CUBN: variants seen among roughly 807,000 people sequenced by gnomAD.
CUBN encodes the protein 460 kDa receptor.
In CUBN, 282 loss-of-function variants were observed where a neutral mutation model predicts 405.3. The observed-to-expected ratio is 0.70, with a 90% CI of 0.63 to 0.77. CUBN has a LOEUF of 0.77. Among genes scored for constraint, CUBN ranks in the 30% least tolerant of loss-of-function variants. CUBN has a pLI of 0.00. For missense variants in CUBN, 4,514 were observed against 4,475.2 expected (o/e 1.01, Z -0.25); for synonymous variants, 1,684 against 1,617.0 (o/e 1.04, Z -0.99).
At chr10:16,972,840 C>T (rs763989152) in intron 31 of CUBN, among the ~76,000 whole-genome samples, 5 of 152,072 alleles carry the variant, frequency 3.3e-5, no homozygotes, top group Non-Finnish European at 5.9e-5. Flanking sequence ...CAGTTCTCCA[C>T]GTGTCCCTGC....
intron 28 of CUBN, among the ~76,000 whole-genome samples, chr10:17,012,082 G>T (rs1344097782): frequency 6.6e-6 from 1 of 152,176 alleles, no homozygotes; most frequent in Non-Finnish European, 1.5e-5. Flanking sequence ...AGGGCCAGTG[G>T]GTCGGTCCAG....
rs1237111374 is a variant in CUBN, at chr10:16,899,045, T to C, written c.8549A>G (p.Asn2850Ser). 5 of 1,613,742 alleles carry C rather than the reference T, an allele frequency of 3.1e-6. No homozygotes were observed. The highest frequency in any genetic ancestry group is 1.7e-5 in the Admixed American group (1 of 60,020). Residue 2850 changes from asparagine (N) to serine (S), a missense_variant, in exon 54 of 67, where the codon AAC becomes AGC. Coordinates refer to ENST00000377833, the MANE Select transcript of CUBN (RefSeq NM_001081.4). ...TCCATCACCGCTGGGGATTAGGAAG[T>C]TGTTGTCAAAGCTGATCTCCAAGTG... ...SKHLEISFDN[N>S]FLIPSGDGQC...
rs1216705051 is a variant in CUBN, at chr10:16,954,565, AG to A, written c.4696-18del. The A allele has an allele frequency of 5.0e-6, 8 of 1,612,596 alleles. No individual in the cohort carries two copies. The highest frequency in any genetic ancestry group is 6.8e-6 in the Non-Finnish European group (8 of 1,179,804). The stretch of plus-strand genomic sequence containing the variant: ...ATCGTATGCCTACAAGAAAGGAGAC[AG>A]GGCAAACAGTGGTTCAGATTCACAT... On this transcript the variant is annotated intron_variant, in intron 31 of 66. Transcript: ENST00000377833.
chr10:16,933,012 G>T, intron 40 of CUBN, 75 bp downstream of exon 40: 1 of 1,464,232 alleles, frequency 6.8e-7, no homozygotes, highest in Non-Finnish European at 9.6e-7. Context: ...GAGGCAGTAT[G>T]CAAGTCTGAT....
At chr10:16,860,055 A>T (rs765422807) in intron 59 of CUBN, among the ~76,000 whole-genome samples, 16 of 152,156 alleles carry the variant, frequency 1.1e-4, no homozygotes, top group Non-Finnish European at 2.4e-4. Flanking sequence ...GAGTCACAGG[A>T]TGTATAAATA....
In CUBN at chr10:16,836,101, G is replaced by A; in HGVS notation, c.10180+134C>T. On this transcript the variant is annotated intron_variant, in intron 63 of 66. Transcript: ENST00000377833. ...CTAAATTGGGCTGGGTTCTAGTTAA[G>A]AGAGGGATGTGGTTTTTGTTAACAA... is the stretch of plus-strand genomic sequence containing the variant. The A allele has an allele frequency of 3.5e-6, 3 of 863,116 alleles. No homozygotes were observed. In the South Asian group the frequency reaches 4.3e-5, roughly 12 times the overall value. 53.5% of individuals were successfully genotyped at this position (863,116 alleles called of 1,614,324 possible).
chr10:17,097,689 T>C (rs1471498962), intron 14 of CUBN, among the ~76,000 whole-genome samples: 3 of 152,158 alleles, frequency 2.0e-5, no homozygotes, highest in Admixed American at 1.3e-4. Flanking sequence ...TGGAAAATAT[T>C]TGATGAATGC....
chr10:17,112,470 T>G (rs1162556618), intron 8 of CUBN, among the ~76,000 whole-genome samples: 1 of 151,986 alleles, frequency 6.6e-6, no homozygotes, highest in African/African-American at 2.4e-5. Context: ...AACAAAAAAA[T>G]TGTTTCTCTT....
intron 56 of CUBN, among the ~76,000 whole-genome samples, chr10:16,887,388 A>C (rs924023789): frequency 6.6e-6 from 1 of 152,222 alleles, no homozygotes; most frequent in African/African-American, 2.4e-5. Context: ...TTCTTTAAAA[A>C]TTGGATGAAA....
At chr10:16,835,527 C>A (rs1346277768) in intron 63 of CUBN, among the ~76,000 whole-genome samples, 1 of 151,880 alleles carries the variant, frequency 6.6e-6, no homozygotes, top group African/African-American at 2.4e-5. Flanking sequence ...ACTCTCTTTT[C>A]GACAAGGATG....
intron 14 of CUBN, among the ~76,000 whole-genome samples, chr10:17,088,893 G>C (rs1836188951): frequency 6.6e-6 from 1 of 152,214 alleles, no homozygotes; most frequent in Non-Finnish European, 1.5e-5. Context: ...GAGCAAGTGA[G>C]GGACTGAGCC....
In CUBN at chr10:16,890,405, T is replaced by C. The variant is rs1840968666; in HGVS notation, c.8721A>G (p.Ala2907=). The C allele has an allele frequency of 6.2e-7, 1 of 1,613,862 alleles. No homozygotes were observed. Among genetic ancestry groups the C allele is most frequent in the African/African-American group, 1.3e-5 (1 of 75,034 alleles). The part of the protein sequence containing the change: ...TFTAVFQSQE[A]PAQGFSASFV... ...AGGACGCGGAGAAGCCCTGAGCTGG[T>C]GCCTCCTGAGACTGGAAGACGGCAG... Residue 2907 remains alanine, a synonymous_variant, in exon 55 of 67, where the codon GCA becomes GCG. Coordinates refer to ENST00000377833, the MANE Select transcript of CUBN (RefSeq NM_001081.4).
chr10:16,987,175 T>C (rs776246369), intron 29 of CUBN, among the ~76,000 whole-genome samples: 12 of 152,226 alleles, frequency 7.9e-5, no homozygotes, highest in Non-Finnish European at 1.5e-4. Context: ...TCTCAGAGAT[T>C]AAAGTAAAAT....
intron 59 of CUBN, among the ~76,000 whole-genome samples, chr10:16,854,983 CTTCCT>C (rs530378689): frequency 7.7e-6 from 1 of 130,422 alleles, no homozygotes; most frequent in Non-Finnish European, 1.6e-5. Context: ...CTTCTTTTTT[CTTCCT>C]TTCCTTTCCT....
intron 5 of CUBN, 76 bp downstream of exon 5, chr10:17,123,512 A>T: frequency 9.0e-7 from 1 of 1,112,210 alleles, no homozygotes; most frequent in Non-Finnish European, 1.4e-6. Context: ...ATGGAGAATT[A>T]AATATGCCTG....
intron 36 of CUBN, among the ~76,000 whole-genome samples, chr10:16,944,962 C>A (rs1588505894): frequency 1.3e-5 from 2 of 152,192 alleles, no homozygotes; most frequent in East Asian, 1.9e-4. Context: ...AATTTGACAT[C>A]TTCTTTAACC....
At chr10:16,956,898 CATA>C (rs1301396469) in intron 31 of CUBN, among the ~76,000 whole-genome samples, 1 of 151,818 alleles carries the variant, frequency 6.6e-6, no homozygotes, top group African/African-American at 2.4e-5. Flanking sequence ...TTAAGTGATG[CATA>C]ATAATTGAAC....
Position 16,841,007 on chromosome 10 carries a change from G to A in CUBN, c.9704C>T (p.Thr3235Met), listed in dbSNP as rs756742695. 9.3e-6 allele frequency: 15 copies of A among 1,613,922 alleles called. No homozygotes were observed. The highest frequency in any genetic ancestry group is 1.1e-5 in the South Asian group (1 of 91,086). The change falls in exon 61 of 67, where the codon ACG (threonine) becomes ATG (methionine). Residue 3235 changes from threonine to methionine, a missense_variant. Thr to Met is a moderately conservative substitution (Grantham distance 81). Transcript: ENST00000377833. ...AGCAGGTACTGTGGAACCACAAAAC[G>A]TTCCAGCCAAGTTCGCATTTTCACT... is the stretch of plus-strand genomic sequence containing the variant. ...GDSENANLAG[T>M]FCGSTVPAPF...
At chr10:17,032,834 C>A (rs1834814440) in intron 27 of CUBN, among the ~76,000 whole-genome samples, 1 of 152,166 alleles carries the variant, frequency 6.6e-6, no homozygotes. Context: ...GGACTAATCT[C>A]CCCTGGTGGT....
Sources: allele counts gnomAD v4.1 joint callset (sites outside exome capture counted in the v4.1 genomes callset), GRCh38; gene constraint gnomAD v4.1.1; transcripts MANE v1.5; gene names NCBI Gene and HGNC (gene_info 2026-07-23, HGNC 2026-07-21).